ZNF77: variants seen among roughly 807,000 people sequenced by gnomAD.
ZNF77 encodes the protein ZNFpT1.
Under a neutral mutation model 13.5 loss-of-function variants are expected in ZNF77, and 15 were observed. The ratio of observed to expected loss-of-function variants is 1.11; its 90% confidence interval spans 0.74 to 1.71. The LOEUF (loss-of-function observed/expected upper bound fraction) is 1.71. ZNF77 is among the 40% of genes most tolerant of loss of function. The probability of loss-of-function intolerance (pLI) is 0.00; values close to 1 mark genes in which losing one functional copy is unlikely to be tolerated. For synonymous variants in ZNF77, 282 were observed against 250.0 expected, an observed-to-expected ratio of 1.13 and a Z score of -1.21; for missense variants, 717 against 676.4, an observed-to-expected ratio of 1.06 and a Z score of -0.67.
At chr19:2,942,603 C>T (rs977372503) in intron 1 of ZNF77, among the ~76,000 whole-genome samples, 1 of 152,048 alleles carries the variant, frequency 6.6e-6, no homozygotes, top group Non-Finnish European at 1.5e-5. Context: ...CGAGGCTGTT[C>T]GCAGCTGTCA....
At position 2,933,590 on chromosome 19, in the gene ZNF77, T is replaced by C; in HGVS notation, c.1537A>G (p.Thr513Ala). Residue 513 changes from threonine (T) to alanine (A), a missense_variant, in exon 4 of 4, where the codon ACG becomes GCG. Coordinates refer to ENST00000314531, the MANE Select transcript of ZNF77 (RefSeq NM_021217.3). ...CSSSLRVHVR[T>A]HTGERPYECK... ...TCATACGGTCTCTCTCCAGTGTGCG[T>C]TCTCACGTGCACACGAAGGGACGAG... The C allele has an allele frequency of 6.2e-7, 1 of 1,614,068 alleles. No homozygotes were observed. Among genetic ancestry groups the C allele is most frequent in the Non-Finnish European group, 8.5e-7 (1 of 1,179,926 alleles).
At chr19:2,939,595 C>A (rs979311637) in intron 1 of ZNF77, 188 bp from the exon 2 acceptor site, 13 of 697,098 alleles carry the variant, frequency 1.9e-5, no homozygotes, top group Non-Finnish European at 3.0e-5. Flanking sequence ...GGGAGCAAAG[C>A]GCAATGACGG....
intron 1 of ZNF77, among the ~76,000 whole-genome samples, chr19:2,944,511 G>A (rs900605121): frequency 2.7e-5 from 4 of 149,126 alleles, no homozygotes; most frequent in Non-Finnish European, 5.9e-5. Flanking sequence ...CCCGCAAACT[G>A]CCCCTGTGCC....
intron 1 of ZNF77, among the ~76,000 whole-genome samples, chr19:2,942,414 G>A (rs77248056): frequency 0.046 from 5,394 of 118,192 alleles, 405 homozygotes; most frequent in African/African-American, 0.16. Context: ...TAGCTCTGTT[G>A]CCCAGGCTGG....
chr19:2,936,555 C>A lies in ZNF77; in HGVS notation c.280G>T (p.Asp94Tyr). Residue 94 changes from aspartate (D) to tyrosine (Y), a missense_variant, in exon 3 of 4, where the codon GAT (aspartate) becomes TAT (tyrosine). Coordinates refer to ENST00000314531, the MANE Select transcript of ZNF77 (RefSeq NM_021217.3). Reference protein sequence around the residue: ...GENWRFDNTGDQHQIPQRHLR... With the variant: ...GENWRFDNTGYQHQIPQRHLR... Reference sequence around the variant, plus strand: ...TGCCTCTGTGGGATTTGGTGCTGATCTCCAGTGTTATCAAATCTCCAATTT... The same window carrying A: ...TGCCTCTGTGGGATTTGGTGCTGATATCCAGTGTTATCAAATCTCCAATTT... 6.2e-7 allele frequency: 1 copy of A among 1,610,566 alleles called. No homozygotes were observed. Among genetic ancestry groups the A allele is most frequent in the Non-Finnish European group, 8.5e-7 (1 of 1,179,036 alleles).
rs61740279 is a variant in ZNF77 at position 2,934,025 on chromosome 19, G to T, written c.1102C>A (p.Arg368=). The change falls in exon 4 of 4, where the codon CGA becomes AGA. Residue 368 remains arginine (R), a synonymous_variant. Coordinates refer to ENST00000314531, the MANE Select transcript of ZNF77 (RefSeq NM_021217.3). ...CCGGTGTGCATTCTCATGTGTGCTCGCAGAGAGGAGGGGTACCTGAAGGCT... is the reference window on the plus strand; with the variant it reads ...CCGGTGTGCATTCTCATGTGTGCTCTCAGAGAGGAGGGGTACCTGAAGGCT... ...GKAFRYPSSL[R]AHMRMHTGEK... The T allele has an allele frequency of 1.2e-6, 2 of 1,614,094 alleles. No homozygotes were observed. Among genetic ancestry groups the T allele is most frequent in the African/African-American group, 1.3e-5 (1 of 75,036 alleles).
chr19:2,938,692 C>G (rs1404038407), intron 2 of ZNF77, among the ~76,000 whole-genome samples: 1 of 152,166 alleles, frequency 6.6e-6, no homozygotes, highest in Non-Finnish European at 1.5e-5. Context: ...CGCGGTGGCT[C>G]ACGCCTGTAA....
intron 1 of ZNF77, among the ~76,000 whole-genome samples, chr19:2,943,951 C>G (rs938198240): frequency 1.3e-5 from 2 of 151,924 alleles, no homozygotes; most frequent in Non-Finnish European, 2.9e-5. Context: ...CTCAGGTGAT[C>G]CGCCCGCCTC....
intron 3 of ZNF77, among the ~76,000 whole-genome samples, chr19:2,935,156 T>C (rs1259075244): frequency 1.3e-5 from 2 of 151,608 alleles, no homozygotes; most frequent in Non-Finnish European, 2.9e-5. Context: ...GTGGCTGGGA[T>C]TACAGGCGCC....
chr19:2,941,759 C>T (rs546065075), intron 1 of ZNF77, among the ~76,000 whole-genome samples: 14 of 152,254 alleles, frequency 9.2e-5, no homozygotes, highest in African/African-American at 1.7e-4. Flanking sequence ...CTGTCTGATG[C>T]GCAGATACTA....
At chr19:2,936,841 G>C in intron 2 of ZNF77, 137 bp from the exon 3 acceptor site, 2 of 775,072 alleles carry the variant, frequency 2.6e-6, no homozygotes, top group Admixed American at 6.9e-5. Context: ...ATCAAAGTGA[G>C]ACTCTGAGGA....
In ZNF77 at chr19:2,933,654, G is replaced by C. The variant is rs765375343; in HGVS notation, c.1473C>G (p.Pro491=). 1.9e-6 allele frequency: 3 copies of C among 1,613,408 alleles called. No homozygotes were observed. In the Admixed American group the frequency reaches 5.0e-5, roughly 27 times the overall value. ...KHVRSHSGVK[P]YECTECGKAY... Reference sequence around the variant, plus strand: ...CTTTCCCACATTCAGTACATTCGTAGGGTTTGACCCCACTGTGTGATCTCA... The same window carrying C: ...CTTTCCCACATTCAGTACATTCGTACGGTTTGACCCCACTGTGTGATCTCA... Residue 491 remains proline, a synonymous_variant, in exon 4 of 4, where the codon CCC becomes CCG. Coordinates refer to ENST00000314531, the MANE Select transcript of ZNF77 (RefSeq NM_021217.3).
At position 2,934,184 on chromosome 19, in the gene ZNF77, C is replaced by T. The variant is rs148147098; in HGVS notation, c.943G>A (p.Val315Met). The T allele has an allele frequency of 1.1e-5, 17 of 1,614,058 alleles. No homozygotes were observed. Among genetic ancestry groups the T allele is most frequent in the African/African-American group, 5.3e-5 (4 of 74,936 alleles). ...GGTTTCTCTCCAGTGTGCGTCCTCA[C>T]GTGATCTCTAAAGGAGGAGTAACAG... ...FSCYSSFRDH[V>M]RTHTGEKPCQ... Residue 315 changes from valine (V) to methionine (M), a missense_variant, in exon 4 of 4, where the codon GTG becomes ATG. Coordinates refer to ENST00000314531, the MANE Select transcript of ZNF77 (RefSeq NM_021217.3).
chr19:2,943,842 T>C (rs1476821871), intron 1 of ZNF77, among the ~76,000 whole-genome samples: 1 of 151,692 alleles, frequency 6.6e-6, no homozygotes, highest in Non-Finnish European at 1.5e-5. Flanking sequence ...CCCTGGTAGC[T>C]GGGATTGCAG....
intron 3 of ZNF77, among the ~76,000 whole-genome samples, 186 bp downstream of exon 3, chr19:2,936,338 G>A (rs1253510104): frequency 1.3e-5 from 2 of 152,090 alleles, no homozygotes; most frequent in African/African-American, 2.4e-5. Flanking sequence ...TAGTAGAGAT[G>A]GGGTTTCTCC....
rs11666167 is a variant in ZNF77 at position 2,940,665 on chromosome 19, C to G, written c.4-1258G>C. Among the ~76,000 whole-genome samples, 3 of 138,766 alleles carry G rather than the reference C, an allele frequency of 2.2e-5. No individual in the cohort carries two copies. The South Asian group carries it at 7.0e-4, about 32-fold the overall frequency. 91.0% of individuals were successfully genotyped at this position (138,766 alleles called of 152,430 possible). On this transcript the variant is annotated intron_variant, in intron 1 of 3. Coordinates refer to ENST00000314531, the MANE Select transcript of ZNF77 (RefSeq NM_021217.3). ...TCCAGTCTAGCAACAGAGTGAGTCTCCATCACAAAAAAGAAAAAAAAAAAA... is the reference window on the plus strand; with the variant it reads ...TCCAGTCTAGCAACAGAGTGAGTCTGCATCACAAAAAAGAAAAAAAAAAAA...
intron 1 of ZNF77, among the ~76,000 whole-genome samples, chr19:2,940,172 T>C (rs1193253450): frequency 6.6e-6 from 1 of 151,742 alleles, no homozygotes; most frequent in Non-Finnish European, 1.5e-5. Context: ...AAAAATTAAA[T>C]TAAATTAAAT....
intron 1 of ZNF77, among the ~76,000 whole-genome samples, chr19:2,943,665 AT>A (rs1424484558): frequency 6.9e-5 from 5 of 72,530 alleles, no homozygotes; most frequent in African/African-American, 2.7e-4. Flanking sequence ...GCTTATCCCT[AT>A]TTTTCTCTCT....
intron 1 of ZNF77, among the ~76,000 whole-genome samples, chr19:2,942,742 C>T (rs550041431): frequency 1.8e-4 from 27 of 152,076 alleles, no homozygotes; most frequent in African/African-American, 5.3e-4. Flanking sequence ...ATAAGATTCA[C>T]GCAGATGACA....
Sources: gnomAD v4.1 joint callset for allele counts (sites outside exome capture counted in the v4.1 genomes callset) on GRCh38, gnomAD v4.1.1 for gene constraint, MANE v1.5 for transcripts, NCBI Gene and HGNC (gene_info 2026-07-23, HGNC 2026-07-21) for gene names.